The following ATP10A variants were observed in gnomAD, a reference collection of about 807,000 sequenced individuals.
The protein encoded by ATP10A is phospholipid-transporting ATPase VA.
A neutral mutation model predicts 147.8 loss-of-function variants in ATP10A; 111 were observed. That is an observed-to-expected ratio of 0.75 (90% CI 0.64 to 0.88). The LOEUF (loss-of-function observed/expected upper bound fraction) is 0.88. Among genes scored for constraint, ATP10A ranks in the 40% least tolerant of loss-of-function variants. The pLI, the probability that ATP10A is intolerant of heterozygous loss-of-function variation, is 0.00. For synonymous variants in ATP10A, 875 were observed against 841.6 expected (o/e 1.04, Z -0.69); for missense variants, 1,927 against 1,959.0 (o/e 0.98, Z 0.31).
chr15:25,792,971 A>G (rs1159917459), intron 1 of ATP10A, among the ~76,000 whole-genome samples: 2 of 150,752 alleles, frequency 1.3e-5, no homozygotes, highest in Admixed American at 6.7e-5. Context: ...CCCAGGTTCA[A>G]GCAATTCTCC....
At chr15:25,800,867 C>A (rs999775785) in intron 1 of ATP10A, among the ~76,000 whole-genome samples, 1 of 152,126 alleles carries the variant, frequency 6.6e-6, no homozygotes, top group Non-Finnish European at 1.5e-5. Flanking sequence ...AATATTACAA[C>A]GACATCAGGA....
At position 25,714,103 on chromosome 15, in the gene ATP10A, A is replaced by T. The variant is rs757214405; in HGVS notation, c.1915T>A (p.Ser639Thr). 2 of 1,613,390 alleles carry T rather than the reference A, an allele frequency of 1.2e-6. No individual in the cohort carries two copies. Among genetic ancestry groups the T allele is most frequent in the Non-Finnish European group, 1.7e-6 (2 of 1,180,022 alleles). Reference protein sequence around the residue: ...AANKSSHKLGSSFPSTPSSDG... With the variant: ...AANKSSHKLGTSFPSTPSSDG... ...CTGGACGGGGTGGACGGGAAGCTGGAGCCCAACTTGTGGCTGGACTTGTTG... is the reference window on the plus strand; with the variant it reads ...CTGGACGGGGTGGACGGGAAGCTGGTGCCCAACTTGTGGCTGGACTTGTTG... The change falls in exon 10 of 21, where the codon TCC becomes ACC. Residue 639 changes from serine to threonine, a missense_variant. Ser to Thr is a moderately conservative substitution (Grantham distance 58, BLOSUM62 1). Transcript: ENST00000555815.
intron 1 of ATP10A, among the ~76,000 whole-genome samples, chr15:25,835,865 G>C (rs1348101529): frequency 6.6e-6 from 1 of 152,172 alleles, no homozygotes; most frequent in Non-Finnish European, 1.5e-5. Context: ...CAAGGCTAGA[G>C]TGCAGTGGTG....
At position 25,718,156 on chromosome 15, in the gene ATP10A, C is replaced by T. The variant is rs969936945; in HGVS notation, c.1581+26G>A. On this transcript the variant is annotated intron_variant, in intron 8 of 20. Transcript: ENST00000555815. ...AAATGGGGAAGAGACGTGGCAGCAC[C>T]CTAGCAGGAGGCCCTGTACACTCAC... 4.4e-6 allele frequency: 7 copies of T among 1,603,082 alleles called. No homozygotes were observed. In the African/African-American group the frequency reaches 9.4e-5, roughly 21 times the overall value.
intron 1 of ATP10A, among the ~76,000 whole-genome samples, chr15:25,800,760 C>G (rs1479443627): frequency 6.6e-6 from 1 of 152,200 alleles, no homozygotes; most frequent in Non-Finnish European, 1.5e-5. Context: ...GGCTTCCCAC[C>G]TACCCTAATT....
intron 16 of ATP10A, among the ~76,000 whole-genome samples, chr15:25,685,999 T>TG (rs1401300723): frequency 6.6e-6 from 1 of 152,028 alleles, no homozygotes; most frequent in African/African-American, 2.4e-5. Context: ...CTCAAAGTTC[T>TG]GGGGATTTAA....
At chr15:25,812,194 C>T (rs1891464652) in intron 1 of ATP10A, among the ~76,000 whole-genome samples, 1 of 152,144 alleles carries the variant, frequency 6.6e-6, no homozygotes, top group Non-Finnish European at 1.5e-5. Flanking sequence ...CTAACAGTTT[C>T]CTTAGTTTCT....
intron 16 of ATP10A, among the ~76,000 whole-genome samples, chr15:25,684,874 C>A (rs1452816292): frequency 6.6e-6 from 1 of 152,150 alleles, no homozygotes; most frequent in Non-Finnish European, 1.5e-5. Flanking sequence ...GTTGAAATAA[C>A]CCACCATGCC....
chr15:25,864,813 A>G (rs1893917946), upstream of ATP10A, among the ~76,000 whole-genome samples: 1 of 152,142 alleles, frequency 6.6e-6, no homozygotes, highest in African/African-American at 2.4e-5. Flanking sequence ...CTCACATCCC[A>G]TGGCTCCGTG....
intron 1 of ATP10A, among the ~76,000 whole-genome samples, chr15:25,806,755 G>A (rs1891208489): frequency 6.6e-6 from 1 of 152,230 alleles, no homozygotes; most frequent in South Asian, 2.1e-4. Flanking sequence ...GCTATCAGCA[G>A]TTAAGTTTCA....
At chr15:25,805,548 A>C (rs1198970215) in intron 1 of ATP10A, among the ~76,000 whole-genome samples, 2 of 152,202 alleles carry the variant, frequency 1.3e-5, no homozygotes, top group Admixed American at 1.3e-4. Flanking sequence ...AAATCTAAGT[A>C]GGTCTCAGAT....
At position 25,862,667 on chromosome 15, in the gene ATP10A, C is replaced by A; in HGVS notation, c.430G>T (p.Gly144Cys). 6.3e-7 allele frequency: 1 copy of A among 1,594,644 alleles called. No homozygotes were observed. The highest frequency in any genetic ancestry group is 1.7e-4 in the Middle Eastern group (1 of 5,898). ...ACTCACCTGCTGAAGACCAGGCAGC[C>A]CAGGTGGTTGATCTTGTGGTCGGAG... ...HRSDHKINHL[G>C]CLVFSREEKK... Residue 144 changes from glycine to cysteine, a missense_variant, in exon 1 of 21, where the codon GGC (glycine) becomes TGC (cysteine). By Grantham distance (159) the Gly-to-Cys change is radical. Coordinates refer to ENST00000555815, the MANE Select transcript of ATP10A (RefSeq NM_024490.4).
intron 1 of ATP10A, among the ~76,000 whole-genome samples, chr15:25,784,509 C>T (rs1345112279): frequency 2.6e-5 from 4 of 152,190 alleles, no homozygotes; most frequent in South Asian, 2.1e-4. Context: ...GAGATTCCCC[C>T]CTGAGGACCC....
intron 3 of ATP10A, among the ~76,000 whole-genome samples, chr15:25,730,667 CTGACA>C (rs1475524777): frequency 1.3e-5 from 2 of 152,186 alleles, no homozygotes; most frequent in Non-Finnish European, 2.9e-5. Flanking sequence ...TGGGTCCTGA[CTGACA>C]TAAGTTGGGA....
Position 25,679,364 on chromosome 15 carries a change from CT to C in ATP10A, c.4476del (p.Ala1493HisfsTer20). The C allele has an allele frequency of 6.5e-7, 1 of 1,531,736 alleles. No individual in the cohort carries two copies. Among genetic ancestry groups the C allele is most frequent in the Non-Finnish European group, 8.8e-7 (1 of 1,131,398 alleles). 94.9% of individuals were successfully genotyped at this position (1,531,736 alleles called of 1,614,324 possible). On this transcript the variant is annotated frameshift_variant, in exon 21 of 21. Coordinates refer to ENST00000555815, the MANE Select transcript of ATP10A (RefSeq NM_024490.4). LOFTEE classifies it high-confidence loss of function. Reference sequence around the variant, plus strand: ...TTTCACTGTGACCGCCTTGAAGATGCTCCTATAAGTAGTCTGTGGTCTGGCC... The same window carrying C: ...TTTCACTGTGACCGCCTTGAAGATGCCCTATAAGTAGTCTGTGGTCTGGCC... ...LQGPDHRLLIGASSRRSQ is the reference protein window; with the variant it reads ...LQGPDHRLLIXASSRRSQ
chr15:25,816,316 G>A (rs1001414786), intron 1 of ATP10A, among the ~76,000 whole-genome samples: 4 of 151,136 alleles, frequency 2.6e-5, no homozygotes, highest in African/African-American at 9.7e-5. Context: ...TTCCCACCTT[G>A]GCCTCCCAAA....
chr15:25,814,631 C>CTG (rs1555474126), intron 1 of ATP10A, among the ~76,000 whole-genome samples: 1 of 152,246 alleles, frequency 6.6e-6, no homozygotes, highest in African/African-American at 2.4e-5. Flanking sequence ...ATTGTGATCC[C>CTG]TGGAGTCCCC....
At chr15:25,693,807 C>T (rs1037130941) in intron 14 of ATP10A, among the ~76,000 whole-genome samples, 13 of 152,216 alleles carry the variant, frequency 8.5e-5, no homozygotes, top group African/African-American at 2.9e-4. Flanking sequence ...CCAGTGCTCG[C>T]TCTCCTCACT....
chr15:25,694,991 G>C lies in ATP10A; in HGVS notation c.2916C>G (p.Leu972=), dbSNP rs751433110. 6.2e-7 allele frequency: 1 copy of C among 1,614,188 alleles called. No individual in the cohort carries two copies. Among genetic ancestry groups the C allele is most frequent in the Non-Finnish European group, 8.5e-7 (1 of 1,180,042 alleles). Residue 972 remains leucine, a synonymous_variant, in exon 14 of 21, where the codon CTC becomes CTG. Coordinates refer to ENST00000555815, the MANE Select transcript of ATP10A (RefSeq NM_024490.4). ...AGGCCAGGCTTCTCCCATCGATCAC[G>C]AGGCTGGGTCTGCGGCCAGAGGCAG... ...TSTASGRRPS[L]VIDGRSLAYA...
Sources: gnomAD v4.1 joint callset for allele counts (sites outside exome capture counted in the v4.1 genomes callset) on GRCh38, gnomAD v4.1.1 for gene constraint, MANE v1.5 for transcripts, NCBI Gene and HGNC (gene_info 2026-07-23, HGNC 2026-07-21) for gene names.